The following ATG10 variants were observed in gnomAD, a reference collection of about 807,000 sequenced individuals.
ATG10 encodes the protein ubiquitin-like-conjugating enzyme ATG10.
Under a neutral mutation model 32.1 loss-of-function variants are expected in ATG10, and 30 were observed. That is an observed-to-expected ratio of 0.94 (90% confidence interval 0.70 to 1.27). The LOEUF is 1.27. Among genes scored for constraint, ATG10 ranks in the 50% most tolerant of loss-of-function variants. The pLI, the probability that ATG10 is intolerant of heterozygous loss-of-function variation, is 0.00. For synonymous variants in ATG10, 87 were observed against 91.5 expected (o/e 0.95, Z 0.28); for missense variants, 233 against 262.3 (o/e 0.89, Z 0.77).
intron 3 of ATG10, among the ~76,000 whole-genome samples, chr5:82,125,143 T>C (rs920155199): frequency 6.6e-6 from 1 of 152,242 alleles, no homozygotes; most frequent in African/African-American, 2.4e-5. Context: ...GATTGTTTTT[T>C]TCTTGTAAAT....
chr5:82,252,330 G>C (rs1376889394), intron 5 of ATG10, among the ~76,000 whole-genome samples: 4 of 152,184 alleles, frequency 2.6e-5, no homozygotes, highest in African/African-American at 9.6e-5. Context: ...ACAAAAATGG[G>C]TGCCCTGCTA....
chr5:81,994,272 C>T (rs114994973), intron 2 of ATG10, among the ~76,000 whole-genome samples: 4,576 of 152,272 alleles, frequency 0.03, 101 homozygotes, highest in Middle Eastern at 0.051. Context: ...TTGTGGCTTC[C>T]TGCTACCTTT....
chr5:82,087,685 A>G lies in ATG10; in HGVS notation c.216+29083A>G, dbSNP rs547889877. Among the ~76,000 whole-genome samples the G allele has an allele frequency of 2.0e-5, 3 of 152,282 alleles. No individual in the cohort carries two copies. In the East Asian group the frequency reaches 5.8e-4, roughly 29 times the overall value. ...CACCCCAACTGGACACTAGTTTGAT[A>G]GGACAGTTAATCAAAATACTTTGCC... On this transcript the variant is annotated intron_variant, in intron 3 of 7. Transcript: ENST00000282185.
intron 4 of ATG10, among the ~76,000 whole-genome samples, chr5:82,172,554 A>G (rs1230309856): frequency 1.3e-5 from 2 of 152,212 alleles, no homozygotes; most frequent in African/African-American, 2.4e-5. Context: ...GGTAGTAACT[A>G]TTATTACCCT....
At chr5:82,153,445 G>C (rs1328427329) in intron 3 of ATG10, among the ~76,000 whole-genome samples, 1 of 152,168 alleles carries the variant, frequency 6.6e-6, no homozygotes, top group East Asian at 1.9e-4. Context: ...GTGGGCTGCA[G>C]CAAGAGTTTA....
rs1761333276 is a variant in ATG10, at chr5:81,987,790, G to C, written c.108+112G>C. 7.0e-6 allele frequency: 5 copies of C among 711,588 alleles called. No individual in the cohort carries two copies. The Admixed American group carries it at 8.9e-5, about 13-fold the overall frequency. The allele number at this position is 711,588 out of a possible 1,614,324, so 44.1% of individuals were successfully genotyped here. On this transcript the variant is annotated intron_variant, in intron 2 of 7. Transcript: ENST00000282185. ...AATTGAAATTAAGGTATGAAAACTG[G>C]TTTGATTTAGTAAAAGTCTTAAATT...
chr5:82,207,312 G>A lies in ATG10; in HGVS notation c.453+28725G>A, dbSNP rs138333945. Among the ~76,000 whole-genome samples, 589 of 152,272 alleles carry A rather than the reference G, an allele frequency of 3.9e-3. 1 individual carries two copies. The highest frequency in any genetic ancestry group is 7.5e-3 in the Admixed American group (115 of 15,300). On this transcript the variant is annotated intron_variant, in intron 5 of 7. Transcript: ENST00000282185. ...AGGAATTTCAGTTGCTCCATGTTCT[G>A]ATAACTGTTTGATATTGTCAGTCTT...
At chr5:81,975,317 C>A (rs938424928) in intron 1 of ATG10, among the ~76,000 whole-genome samples, 3 of 151,954 alleles carry the variant, frequency 2.0e-5, no homozygotes, top group African/African-American at 4.8e-5. Context: ...AATGTGTATT[C>A]TGAAAAATAA....
intron 3 of ATG10, among the ~76,000 whole-genome samples, chr5:82,103,452 C>G (rs926190400): frequency 1.3e-5 from 2 of 152,110 alleles, no homozygotes; most frequent in Non-Finnish European, 2.9e-5. Context: ...GGGATTCACT[C>G]TTACATAAAC....
chr5:82,221,061 A>G (rs190392983), intron 5 of ATG10, among the ~76,000 whole-genome samples: 1 of 152,092 alleles, frequency 6.6e-6, no homozygotes, highest in East Asian at 1.9e-4. Context: ...CCGGCCTTCC[A>G]TCTCTTTTAT....
In ATG10 at chr5:82,215,901, C is replaced by T. The variant is rs1351750756; in HGVS notation, c.454-36661C>T. 2.6e-5 allele frequency among the ~76,000 whole-genome samples: 4 copies of T among 151,086 alleles called. No individual in the cohort carries two copies. The East Asian group carries it at 5.8e-4, about 22-fold the overall frequency. On this transcript the variant is annotated intron_variant, in intron 5 of 7. Coordinates refer to ENST00000282185, the MANE Select transcript of ATG10 (RefSeq NM_031482.5). ...AGTGAGCTGAGATCGCCCCACTGCA[C>T]TCCAGCCTGGGCAACAAGAGCGAAA... is the stretch of plus-strand genomic sequence containing the variant.
chr5:82,110,155 T>C (rs1765572547), intron 3 of ATG10, among the ~76,000 whole-genome samples: 1 of 152,148 alleles, frequency 6.6e-6, no homozygotes, highest in Non-Finnish European at 1.5e-5. Flanking sequence ...CTGCATAGTA[T>C]TCCATGGTGT....
At chr5:82,037,129 C>CAAA (rs1159037400) in intron 2 of ATG10, among the ~76,000 whole-genome samples, 1,405 of 25,792 alleles carry the variant, frequency 0.054, 181 homozygotes, top group African/African-American at 0.082. Flanking sequence ...GACTCTGTCT[C>CAAA]AAAAAAAAAA....
chr5:81,982,485 G>C (rs1337788509), intron 1 of ATG10, among the ~76,000 whole-genome samples: 2 of 150,656 alleles, frequency 1.3e-5, no homozygotes, highest in Non-Finnish European at 3.0e-5. Context: ...TATACTTTAT[G>C]ACATGAGGAG....
chr5:82,092,340 T>A (rs1764915967), intron 3 of ATG10, among the ~76,000 whole-genome samples: 2 of 152,334 alleles, frequency 1.3e-5, no homozygotes, highest in South Asian at 4.1e-4. Flanking sequence ...TAGGTTTACA[T>A]TTTATAGTAT....
chr5:82,249,304 C>T (rs1353218987), intron 5 of ATG10, among the ~76,000 whole-genome samples: 4 of 152,120 alleles, frequency 2.6e-5, no homozygotes, highest in African/African-American at 7.2e-5. Context: ...GACCTTTCTT[C>T]CTTTCACTTA....
At chr5:82,194,659 C>T (rs768870981) in intron 5 of ATG10, among the ~76,000 whole-genome samples, 4 of 152,132 alleles carry the variant, frequency 2.6e-5, no homozygotes, top group Non-Finnish European at 4.4e-5. Context: ...GTGCTTAGAT[C>T]CCACAGCCTT....
chr5:82,182,623 G>A, intron 5 of ATG10, among the ~76,000 whole-genome samples: 1 of 152,114 alleles, frequency 6.6e-6, no homozygotes, highest in East Asian at 1.9e-4. Context: ...AATCCCAGAA[G>A]TTGCAGAGTG....
At chr5:82,187,386 C>G (rs1446155945) in intron 5 of ATG10, among the ~76,000 whole-genome samples, 1 of 151,332 alleles carries the variant, frequency 6.6e-6, no homozygotes, top group Non-Finnish European at 1.5e-5. Flanking sequence ...TGGTGGGCAC[C>G]TGTAATCTCA....
Sources: gnomAD v4.1 joint callset for allele counts (sites outside exome capture counted in the v4.1 genomes callset) on GRCh38, gnomAD v4.1.1 for gene constraint, MANE v1.5 for transcripts, NCBI Gene and HGNC (gene_info 2026-07-23, HGNC 2026-07-21) for gene names.